The following CCDC60 variants were observed in gnomAD, a reference collection of about 807,000 sequenced individuals.
CCDC60 encodes the protein coiled-coil domain containing 60.
A neutral mutation model predicts 63.5 loss-of-function variants in CCDC60; 54 were observed. The observed-to-expected ratio is 0.85, with a 90% CI of 0.68 to 1.07. CCDC60 has a LOEUF of 1.07. CCDC60 is among the 50% of genes least tolerant of loss of function. The pLI is 0.00. For missense variants in CCDC60, 651 were observed against 684.3 expected (o/e 0.95, Z 0.54); for synonymous variants, 206 against 238.8 (o/e 0.86, Z 1.27).
intron 1 of CCDC60, among the ~76,000 whole-genome samples, chr12:119,387,034 T>TCTCTCTCACACACACA (rs543330015): frequency 3.8e-5 from 4 of 105,402 alleles, no homozygotes; most frequent in African/African-American, 1.6e-4. Context: ...TCTGTCTCTC[T>TCTCTCTCACACACACA]CACACACACA....
Position 119,407,889 on chromosome 12 carries a change from C to T in CCDC60, c.91-20794C>T, listed in dbSNP as rs546030294. ...TTTTCAATACTACAATCTACTGTCTCCTGTGGTAGTTCAGTTATGGAATGA... is the reference window on the plus strand; with the variant it reads ...TTTTCAATACTACAATCTACTGTCTTCTGTGGTAGTTCAGTTATGGAATGA... On this transcript the variant is annotated intron_variant, in intron 1 of 13. Coordinates refer to ENST00000327554, the MANE Select transcript of CCDC60 (RefSeq NM_178499.5). Among the ~76,000 whole-genome samples the T allele has an allele frequency of 2.6e-5, 4 of 152,290 alleles. No individual in the cohort carries two copies. The East Asian group carries it at 7.7e-4, about 29-fold the overall frequency.
chr12:119,458,613 T>A (rs1029811891), intron 2 of CCDC60, among the ~76,000 whole-genome samples: 1 of 152,224 alleles, frequency 6.6e-6, no homozygotes, highest in Non-Finnish European at 1.5e-5. Context: ...AGGTCTGTTT[T>A]GGGTGATGTT....
chr12:119,453,603 C>A (rs1416439652), intron 2 of CCDC60, among the ~76,000 whole-genome samples: 1 of 152,232 alleles, frequency 6.6e-6, no homozygotes, highest in African/African-American at 2.4e-5. Flanking sequence ...TTAGACTGTT[C>A]TTCCCATCAC....
chr12:119,367,664 T>C (rs1955854297), intron 1 of CCDC60, among the ~76,000 whole-genome samples: 2 of 152,076 alleles, frequency 1.3e-5, no homozygotes, highest in Admixed American at 1.3e-4. Context: ...ATATAGCCTA[T>C]CCATACAGTG....
chr12:119,504,967 T>C (rs1020864222), intron 6 of CCDC60, 102 bp from the exon 7 acceptor site: 1 of 799,430 alleles, frequency 1.3e-6, no homozygotes, highest in Non-Finnish European at 2.0e-6. Context: ...GCTTTGCTTT[T>C]GTCTGCTGTC....
intron 2 of CCDC60, among the ~76,000 whole-genome samples, chr12:119,445,207 G>T (rs186400447): frequency 1.8e-4 from 27 of 152,118 alleles, no homozygotes; most frequent in African/African-American, 3.1e-4. Flanking sequence ...GCCGAGGTGG[G>T]TGGATCACTT....
chr12:119,489,859 G>A lies in CCDC60; in HGVS notation c.557+993G>A, dbSNP rs574412256. 5.5e-4 allele frequency among the ~76,000 whole-genome samples: 83 copies of A among 151,462 alleles called. 1 individual carries two copies. The South Asian group carries it at 0.016, about 30-fold the overall frequency. On this transcript the variant is annotated intron_variant, in intron 5 of 13. Transcript: ENST00000327554. ...TGTCACCAGGCCAGAGTACGGTGAC[G>A]CAATCTCGGCTCACTGCAACCTCCA...
chr12:119,439,437 TAC>T (rs1950395748), intron 2 of CCDC60, among the ~76,000 whole-genome samples: 1 of 152,156 alleles, frequency 6.6e-6, no homozygotes, highest in South Asian at 2.1e-4. Flanking sequence ...CCAGATCAGC[TAC>T]AGTCAGAAAG....
rs371312981 is a variant in CCDC60 at position 119,410,467 on chromosome 12, C to A, written c.91-18216C>A. Among the ~76,000 whole-genome samples the A allele has an allele frequency of 4.6e-5, 7 of 152,252 alleles. No individual in the cohort carries two copies. In the East Asian group the frequency reaches 1.2e-3, roughly 25 times the overall value. ...CCTTCACTGGGCCCTCACCCCTAAG[C>A]TGATTTTGCCGAAATGGCTTCTCAA... On this transcript the variant is annotated intron_variant, in intron 1 of 13. Transcript: ENST00000327554. The surrounding 1 kb of genome is among the most constrained non-coding windows in gnomAD (Gnocchi z 4.0).
At chr12:119,443,265 T>A (rs1186167657) in intron 2 of CCDC60, among the ~76,000 whole-genome samples, 2 of 152,258 alleles carry the variant, frequency 1.3e-5, no homozygotes, top group African/African-American at 4.8e-5. Context: ...CCTTTTTCAA[T>A]ACAGATGGAA....
chr12:119,355,444 A>T (rs948601994), intron 1 of CCDC60, among the ~76,000 whole-genome samples: 1 of 152,242 alleles, frequency 6.6e-6, no homozygotes, highest in African/African-American at 2.4e-5. Context: ...CCAGCAGCAG[A>T]TTCATCAGAG....
intron 1 of CCDC60, among the ~76,000 whole-genome samples, chr12:119,357,104 G>A (rs1955725939): frequency 6.6e-6 from 1 of 152,090 alleles, no homozygotes; most frequent in South Asian, 2.1e-4. Context: ...AGAGATGGGG[G>A]CCTTTTTTAT....
intron 1 of CCDC60, among the ~76,000 whole-genome samples, chr12:119,356,492 CTT>C (rs1310953767): frequency 6.6e-6 from 1 of 152,160 alleles, no homozygotes; most frequent in African/African-American, 2.4e-5. Flanking sequence ...TCATGTCAAT[CTT>C]TTATGAGATT....
intron 2 of CCDC60, among the ~76,000 whole-genome samples, chr12:119,437,341 A>G (rs1032010734): frequency 1.3e-5 from 2 of 152,200 alleles, no homozygotes; most frequent in African/African-American, 4.8e-5. Flanking sequence ...AATGGATCAC[A>G]GCACTCTTTT....
At chr12:119,464,785 A>T (rs1950920840) in intron 2 of CCDC60, among the ~76,000 whole-genome samples, 2 of 152,288 alleles carry the variant, frequency 1.3e-5, no homozygotes, top group Admixed American at 1.3e-4. Flanking sequence ...ACTACAGGTC[A>T]CTCCGATCCA....
chr12:119,364,647 T>C (rs952309224), intron 1 of CCDC60, among the ~76,000 whole-genome samples: 1 of 152,190 alleles, frequency 6.6e-6, no homozygotes, highest in African/African-American at 2.4e-5. Flanking sequence ...GTTTTTCTTT[T>C]AAAAGTCTGA....
In CCDC60 at chr12:119,479,156, C is replaced by G; in HGVS notation, c.404C>G (p.Pro135Arg). 5 of 1,614,076 alleles carry G rather than the reference C, an allele frequency of 3.1e-6. No individual in the cohort carries two copies. The highest frequency in any genetic ancestry group is 4.2e-6 in the Non-Finnish European group (5 of 1,179,970). ...AGAGTCACACGTCGCCCATTCACTC[C>G]CATCCACAGCTGCATCATTTCTCCC... ...GARVTRRPFT[P>R]IHSCIISPSL... The change falls in exon 4 of 14, where the codon CCC becomes CGC. Residue 135 changes from proline to arginine, a missense_variant. Pro to Arg is a moderately radical substitution (Grantham distance 103). Coordinates refer to ENST00000327554, the MANE Select transcript of CCDC60 (RefSeq NM_178499.5).
At chr12:119,481,303 T>C (rs541836583) in intron 4 of CCDC60, among the ~76,000 whole-genome samples, 30 of 152,322 alleles carry the variant, frequency 2.0e-4, no homozygotes, top group South Asian at 8.3e-4. Context: ...GTCTCTTCAG[T>C]ACACTTGCAC....
intron 9 of CCDC60, 37 bp from the exon 10 acceptor site, chr12:119,522,902 A>T (rs1330840016): frequency 6.2e-7 from 1 of 1,607,394 alleles, no homozygotes; most frequent in Admixed American, 1.7e-5. Context: ...TGAAAAGCAG[A>T]CTCTGAGCAA....
Sources: gnomAD v4.1 joint callset for allele counts (sites outside exome capture counted in the v4.1 genomes callset) on GRCh38, gnomAD v4.1.1 for gene constraint, Gnocchi (gnomAD v3.1) non-coding constraint, MANE v1.5 for transcripts, NCBI Gene and HGNC (gene_info 2026-07-23, HGNC 2026-07-21) for gene names.